The following FBXO44 variants were observed in gnomAD, a reference collection of about 807,000 sequenced individuals.
FBXO44 encodes F-box protein 44.
Under a neutral mutation model 33.5 loss-of-function variants are expected in FBXO44, and 25 were observed. That is an observed-to-expected ratio of 0.75 (90% CI 0.54 to 1.04). The LOEUF (loss-of-function observed/expected upper bound fraction) is 1.04. Ranked by LOEUF, FBXO44 falls within the 50% of genes least tolerant of loss-of-function variation. The pLI, the probability that FBXO44 is intolerant of heterozygous loss-of-function variation, is 0.00. For synonymous variants in FBXO44, 147 were observed against 152.8 expected, an observed-to-expected ratio of 0.96 and a Z score of 0.28; for missense variants, 311 against 344.0, an observed-to-expected ratio of 0.90 and a Z score of 0.76.
intron 2 of FBXO44, among the ~76,000 whole-genome samples, chr1:11,657,783 A>T (rs1374222777): frequency 6.6e-6 from 1 of 152,184 alleles, no homozygotes; most frequent in Non-Finnish European, 1.5e-5. Flanking sequence ...TTAAGGGGTT[A>T]TAGGAAAAGA....
chr1:11,654,449 C>A (rs983404510), upstream of FBXO44: 14 of 1,195,450 alleles, frequency 1.2e-5, no homozygotes, highest in Non-Finnish European at 1.2e-5. Flanking sequence ...CCGGCGACCG[C>A]GCCTCTTAAA....
chr1:11,661,604 C>A lies in FBXO44; in HGVS notation c.*331C>A. The A allele has an allele frequency of 2.8e-6, 1 of 361,874 alleles. No individual in the cohort carries two copies. Among genetic ancestry groups the A allele is most frequent in the Non-Finnish European group, 5.0e-6 (1 of 198,146 alleles). The allele number at this position is 361,874 out of a possible 1,614,324, so 22.4% of individuals were successfully genotyped here. ...CTTGGAGGCCAGCCTGGATCTGTCT[C>A]TCCCTTCCCCTCCTGGGACCATTCT... On this transcript the variant is annotated 3_prime_UTR_variant, in exon 6 of 6. Transcript: ENST00000251547. This position sits in a 1 kb window ranked among gnomAD's most constrained non-coding sequence, Gnocchi z 4.4.
chr1:11,658,472 C>A (rs905357201), intron 3 of FBXO44, 61 bp from the exon 4 acceptor site: 3 of 1,608,540 alleles, frequency 1.9e-6, no homozygotes, highest in Non-Finnish European at 2.5e-6. Flanking sequence ...AAGGGGCAGT[C>A]CTAGCCCCTC....
At position 11,658,377 on chromosome 1, in the gene FBXO44, T is replaced by C; in HGVS notation, c.376T>C (p.Phe126Leu). The change falls in exon 3 of 6, where the codon TTC (phenylalanine) becomes CTC (leucine). Residue 126 changes from phenylalanine to leucine, a missense_variant. Coordinates refer to ENST00000251547, the MANE Select transcript of FBXO44 (RefSeq NM_033182.7). ...CCCCAATGACCAGGTCAAGAAATAC[T>C]TCGTTACTTCATATTAGTAAGATCC... ...EFPNDQVKKY[F>L]VTSYYTCLKS... 6.2e-7 allele frequency: 1 copy of C among 1,613,812 alleles called. No individual in the cohort carries two copies. Among genetic ancestry groups the C allele is most frequent in the East Asian group, 2.2e-5 (1 of 44,874 alleles).
intron 1 of FBXO44, 59 bp downstream of exon 1, chr1:11,655,011 T>G (rs890458670): frequency 2.0e-5 from 3 of 151,740 alleles, no homozygotes; most frequent in African/African-American, 7.3e-5. Context: ...GGGCGGGGGC[T>G]GCCGGGAAGG....
chr1:11,658,140 C>T lies in FBXO44; in HGVS notation c.266-127C>T, dbSNP rs934128557. 1.6e-5 allele frequency: 23 copies of T among 1,483,618 alleles called. No individual in the cohort carries two copies. In the East Asian group the frequency reaches 4.3e-4, roughly 28 times the overall value. 91.9% of individuals were successfully genotyped at this position (1,483,618 alleles called of 1,614,324 possible). On this transcript the variant is annotated intron_variant, in intron 2 of 5. Coordinates refer to ENST00000251547, the MANE Select transcript of FBXO44 (RefSeq NM_033182.7). ...ACGCGGTGGGCACTGTGATCTGCAG[C>T]GTCCCACAGCACAGGGCTTGAGGGC...
chr1:11,660,527 G>A (rs980936274), intron 5 of FBXO44, among the ~76,000 whole-genome samples: 1 of 152,212 alleles, frequency 6.6e-6, no homozygotes, highest in Non-Finnish European at 1.5e-5. Flanking sequence ...TCCTTTGGCA[G>A]CTTGCAGTTT....
chr1:11,658,121 TG>T, intron 2 of FBXO44, 145 bp from the exon 3 acceptor site: 1 of 1,323,222 alleles, frequency 7.6e-7, no homozygotes, highest in Non-Finnish European at 1.0e-6. Flanking sequence ...TAATACGCGG[TG>T]GGCACTGTGA....
intron 2 of FBXO44, among the ~76,000 whole-genome samples, chr1:11,657,435 T>C (rs1230650881): frequency 6.6e-6 from 1 of 151,068 alleles, no homozygotes; most frequent in Non-Finnish European, 1.5e-5. Context: ...CATCAGAGCT[T>C]TGTCCATCAC....
At chr1:11,659,768 C>A (rs1408014282) in intron 5 of FBXO44, among the ~76,000 whole-genome samples, 1 of 152,114 alleles carries the variant, frequency 6.6e-6, no homozygotes, top group Non-Finnish European at 1.5e-5. Flanking sequence ...AGTGCTGGAA[C>A]TACAGGCATG....
rs1640262401 is a variant in FBXO44 at position 11,662,841 on chromosome 1, G to C, written c.*1568G>C. 6.6e-6 allele frequency: 1 copy of C among 152,180 alleles called. No individual in the cohort carries two copies. The highest frequency in any genetic ancestry group is 1.5e-5 in the Non-Finnish European group (1 of 68,072). The allele number at this position is 152,180 out of a possible 1,614,324, so 9.4% of individuals were successfully genotyped here. A position where few individuals can be genotyped will look rare whatever the true frequency, so the allele number is the denominator to read the frequency against. ...TGAGTGAGTTCTCACGAGATCTGAT[G>C]GTTTTACAAGTGACGGTTTCCCCGG... On this transcript the variant is annotated 3_prime_UTR_variant, in exon 6 of 6. Coordinates refer to ENST00000251547, the MANE Select transcript of FBXO44 (RefSeq NM_033182.7).
At position 11,661,041 on chromosome 1, in the gene FBXO44, C is replaced by A; in HGVS notation, c.625-89C>A. The stretch of plus-strand genomic sequence containing the variant: ...CAAACAACCCTCCCACCTCAGCCTC[C>A]CAAAGTACTGGGATTCCCGGTGTGA... On this transcript the variant is annotated intron_variant, in intron 5 of 5. Transcript: ENST00000251547. This position sits in a 1 kb window ranked among gnomAD's most constrained non-coding sequence, Gnocchi z 4.4. The A allele has an allele frequency of 7.1e-7, 1 of 1,407,080 alleles. No homozygotes were observed. 87.2% of individuals were successfully genotyped at this position (1,407,080 alleles called of 1,614,324 possible). A position where few individuals can be genotyped will look rare whatever the true frequency, so the allele number is the denominator to read the frequency against.
chr1:11,662,377 T>C lies in FBXO44; in HGVS notation c.*1104T>C, dbSNP rs929130255. The C allele has an allele frequency of 2.6e-5, 4 of 152,168 alleles. No homozygotes were observed. Among genetic ancestry groups the C allele is most frequent in the African/African-American group, 7.2e-5 (3 of 41,416 alleles). The allele number at this position is 152,168 out of a possible 1,614,324, so 9.4% of individuals were successfully genotyped here. The stretch of plus-strand genomic sequence containing the variant: ...AGATGGTACAATGGCATGGCTTCTG[T>C]CTAAGGTACAGAGGGGTTGGCATTT... On this transcript the variant is annotated 3_prime_UTR_variant, in exon 6 of 6. Coordinates refer to ENST00000251547, the MANE Select transcript of FBXO44 (RefSeq NM_033182.7).
rs1570256200 is a variant in FBXO44 at position 11,661,591 on chromosome 1, C to G, written c.*318C>G. 6 of 392,048 alleles carry G rather than the reference C, an allele frequency of 1.5e-5. No individual in the cohort carries two copies. In the East Asian group the frequency reaches 2.3e-4, roughly 15 times the overall value. 24.3% of individuals were successfully genotyped at this position (392,048 alleles called of 1,614,324 possible). A position where few individuals can be genotyped will look rare whatever the true frequency, so the allele number is the denominator to read the frequency against. On this transcript the variant is annotated 3_prime_UTR_variant, in exon 6 of 6. Transcript: ENST00000251547. The surrounding 1 kb of genome is among the most constrained non-coding windows in gnomAD (Gnocchi z 4.4). ...TCAGAAAGTCGAGCTTGGAGGCCAG[C>G]CTGGATCTGTCTCTCCCTTCCCCTC...
At chr1:11,660,878 T>C (rs750458919) in intron 5 of FBXO44, among the ~76,000 whole-genome samples, 20 of 152,092 alleles carry the variant, frequency 1.3e-4, no homozygotes, top group Non-Finnish European at 2.6e-4. Flanking sequence ...CTTGAACTCC[T>C]ACTTTAGCCT....
chr1:11,660,425 T>C (rs575632356), intron 5 of FBXO44, among the ~76,000 whole-genome samples: 31 of 152,170 alleles, frequency 2.0e-4, no homozygotes, highest in African/African-American at 6.7e-4. Flanking sequence ...CTCCCAAAGT[T>C]CTGGGATTAC....
intron 5 of FBXO44, among the ~76,000 whole-genome samples, chr1:11,659,641 G>C (rs958220122): frequency 6.6e-6 from 1 of 151,756 alleles, no homozygotes; most frequent in African/African-American, 2.4e-5. Flanking sequence ...GAGTACAGGT[G>C]TGCACCACCA....
rs527331323 is a variant in FBXO44, at chr1:11,661,449, G to A, written c.*176G>A. The A allele has an allele frequency of 1.9e-5, 17 of 918,896 alleles. No homozygotes were observed. Among genetic ancestry groups the A allele is most frequent in the South Asian group, 1.3e-4 (7 of 54,098 alleles). The allele number at this position is 918,896 out of a possible 1,614,324, so 56.9% of individuals were successfully genotyped here. On this transcript the variant is annotated 3_prime_UTR_variant, in exon 6 of 6. Coordinates refer to ENST00000251547, the MANE Select transcript of FBXO44 (RefSeq NM_033182.7). This position sits in a 1 kb window ranked among gnomAD's most constrained non-coding sequence, Gnocchi z 4.4. ...TGGGCAGCCCTCGCATGCTGGGGTC[G>A]GGCCAGCTCTCCCCGAAAGGTCTTG...
upstream of FBXO44, chr1:11,654,561 G>T: frequency 2.6e-6 from 1 of 387,636 alleles, no homozygotes; most frequent in East Asian, 3.9e-5. Context: ...GTTCCTCAGC[G>T]GACCGAGGAG....
Sources: allele counts gnomAD v4.1 joint callset (sites outside exome capture counted in the v4.1 genomes callset), GRCh38; gene constraint gnomAD v4.1.1; non-coding constraint Gnocchi (gnomAD v3.1); transcripts MANE v1.5; gene names NCBI Gene and HGNC (gene_info 2026-07-23, HGNC 2026-07-21).